The following ZNF737 variants were observed in gnomAD, a reference collection of about 807,000 sequenced individuals.
ZNF737 encodes zinc finger protein 737.
A neutral mutation model predicts 11.7 loss-of-function variants in ZNF737; 13 were observed. The ratio of observed to expected loss-of-function variants is 1.11; its 90% CI spans 0.73 to 1.77. The LOEUF is 1.77. ZNF737 is among the 40% of genes most tolerant of loss of function. ZNF737 has a pLI of 0.00. For missense variants in ZNF737, 636 were observed against 638.0 expected, an observed-to-expected ratio of 1.00 and a Z score of 0.03; for synonymous variants, 217 against 216.2, an observed-to-expected ratio of 1.00 and a Z score of -0.03.
rs899508708 is a variant in ZNF737 at position 20,540,620 on chromosome 19, G to A, written c.*3972C>T. ...CTAAAAATACAAAAATTAGTCAGACGTGGTGGTGCATGCCTGTAATCCCAG... is the reference window on the plus strand; with the variant it reads ...CTAAAAATACAAAAATTAGTCAGACATGGTGGTGCATGCCTGTAATCCCAG... On this transcript the variant is annotated 3_prime_UTR_variant, in exon 4 of 4. Transcript: ENST00000427401. 8 of 175,590 alleles carry A rather than the reference G, an allele frequency of 4.6e-5. No homozygotes were observed. The highest frequency in any genetic ancestry group is 1.4e-4 in the African/African-American group (6 of 41,914). The allele number at this position is 175,590 out of a possible 1,614,324, so 10.9% of individuals were successfully genotyped here.
At chr19:20,563,514 G>A (rs7245470) in intron 1 of ZNF737, among the ~76,000 whole-genome samples, 112,251 of 146,876 alleles carry the variant, frequency 0.76, 42,975 homozygotes, top group East Asian at 0.82. Flanking sequence ...TTGAGACGGA[G>A]TCACCCTGTG....
chr19:20,531,902 C>T (rs17291514), downstream of ZNF737, among the ~76,000 whole-genome samples: 17,194 of 150,100 alleles, frequency 0.11, 1,924 homozygotes, highest in Non-Finnish European at 0.13. Context: ...GTATACAAAA[C>T]ATGTTCCCCA....
At position 20,538,380 on chromosome 19, in the gene ZNF737, T is replaced by C. The variant is rs569618310; in HGVS notation, c.*6212A>G. Among the ~76,000 whole-genome samples the C allele has an allele frequency of 1.3e-5, 2 of 152,340 alleles. No homozygotes were observed. The highest frequency in any genetic ancestry group is 2.9e-5 in the Non-Finnish European group (2 of 68,038). On this transcript the variant is annotated 3_prime_UTR_variant, in exon 4 of 4. Transcript: ENST00000427401. ...CACAAGTTACTTCCTCCTTCCTTTG[T>C]TCTCCTCTGCCTTTGTCTCTTTTAA...
chr19:20,537,291 A>T (rs1368556647), downstream of ZNF737, among the ~76,000 whole-genome samples: 8 of 148,036 alleles, frequency 5.4e-5, no homozygotes, highest in African/African-American at 2.0e-4. Flanking sequence ...GCCTCTGCCC[A>T]CAAGGTTCAC....
chr19:20,544,446 G>A lies in ZNF737; in HGVS notation c.*146C>T, dbSNP rs564905433. ...TATTTGTTGGGTTTCTTTCCCGCATGAATTATCTAATGTCTACTAAGGTTT... is the reference window on the plus strand; with the variant it reads ...TATTTGTTGGGTTTCTTTCCCGCATAAATTATCTAATGTCTACTAAGGTTT... On this transcript the variant is annotated 3_prime_UTR_variant, in exon 4 of 4. Transcript: ENST00000427401. The A allele has an allele frequency of 1.5e-5, 22 of 1,478,152 alleles. No individual in the cohort carries two copies. The allele number at this position is 1,478,152 out of a possible 1,614,324, so 91.6% of individuals were successfully genotyped here.
chr19:20,533,822 GC>G (rs1967887537), downstream of ZNF737, among the ~76,000 whole-genome samples: 1 of 150,050 alleles, frequency 6.7e-6, no homozygotes, highest in African/African-American at 2.5e-5. Context: ...CCTGGGCTGA[GC>G]TAATTGGCTA....
chr19:20,535,120 A>C (rs1246998996), downstream of ZNF737, among the ~76,000 whole-genome samples: 8 of 151,356 alleles, frequency 5.3e-5, no homozygotes, highest in Non-Finnish European at 1.2e-4. Context: ...TCTACTAAAA[A>C]TACAAAAATT....
Position 20,544,497 on chromosome 19 carries a change from A to C in ZNF737, c.*95T>G. ...GAGGATGAAATAAAGGCTTTGCCAC[A>C]TTTATCACACTTGTACAGTTTCCCT... On this transcript the variant is annotated 3_prime_UTR_variant, in exon 4 of 4. Transcript: ENST00000427401. 2.0e-6 allele frequency: 3 copies of C among 1,530,614 alleles called. No homozygotes were observed. Among genetic ancestry groups the C allele is most frequent in the Non-Finnish European group, 2.6e-6 (3 of 1,146,432 alleles). 94.8% of individuals were successfully genotyped at this position (1,530,614 alleles called of 1,614,324 possible). A position where few individuals can be genotyped will look rare whatever the true frequency, so the allele number is the denominator to read the frequency against.
At chr19:20,553,876 A>G in intron 1 of ZNF737, 41 bp from the exon 2 acceptor site, 1 of 1,594,098 alleles carries the variant, frequency 6.3e-7, no homozygotes, top group Non-Finnish European at 8.5e-7. Flanking sequence ...CAAGTAGCCA[A>G]GGGTGGAATT....
chr19:20,556,135 T>C (rs1317825408), intron 1 of ZNF737, among the ~76,000 whole-genome samples: 1 of 152,142 alleles, frequency 6.6e-6, no homozygotes, highest in Non-Finnish European at 1.5e-5. Context: ...AATGGAAATA[T>C]GTGCCACTGA....
chr19:20,550,569 A>G (rs2144647229), intron 3 of ZNF737, among the ~76,000 whole-genome samples: 1 of 152,304 alleles, frequency 6.6e-6, no homozygotes, highest in Non-Finnish European at 1.5e-5. Context: ...CTTACAGCAA[A>G]ACAAGTCAGC....
Position 20,542,942 on chromosome 19 carries a change from T to G in ZNF737, c.*1650A>C, listed in dbSNP as rs970724010. 2.0e-6 allele frequency: 2 copies of G among 985,018 alleles called. No homozygotes were observed. Among genetic ancestry groups the G allele is most frequent in the African/African-American group, 3.5e-5 (2 of 57,204 alleles). 61.0% of individuals were successfully genotyped at this position (985,018 alleles called of 1,614,324 possible). ...GAAACAAGTATACTTTCAACGTAAT[T>G]ACAATGCTTCCAAAAATCTACTCCT... is the stretch of plus-strand genomic sequence containing the variant. On this transcript the variant is annotated 3_prime_UTR_variant, in exon 4 of 4. Coordinates refer to ENST00000427401, the MANE Select transcript of ZNF737 (RefSeq NM_001159293.2).
rs1324283837 is a variant in ZNF737, at chr19:20,544,802, G to A, written c.1401C>T (p.His467=). The stretch of plus-strand genomic sequence containing the variant: ...TATGAATTCTCTTATGTGCAGTAAG[G>A]TGTGAGGACGAGTTGAAGGCTTTGC... ...ECGKAFNSSS[H]LTAHKRIHTG... is the part of the protein sequence containing the mutation. Residue 467 remains histidine, a synonymous_variant, in exon 4 of 4, where the codon CAC becomes CAT. Transcript: ENST00000427401. The A allele has an allele frequency of 6.2e-7, 1 of 1,610,128 alleles. No homozygotes were observed. The highest frequency in any genetic ancestry group is 1.7e-5 in the Admixed American group (1 of 59,360).
In ZNF737 at chr19:20,544,703, C is replaced by G; in HGVS notation, c.1500G>C (p.Lys500Asn). The G allele has an allele frequency of 6.2e-7, 1 of 1,607,026 alleles. No individual in the cohort carries two copies. Among genetic ancestry groups the G allele is most frequent in the Non-Finnish European group, 8.5e-7 (1 of 1,177,578 alleles). ...AGGGTTTCTCTCCAGTATGAATTCTCTTATGTCTAGTAAGGATAAAGGAGC... is the reference window on the plus strand; with the variant it reads ...AGGGTTTCTCTCCAGTATGAATTCTGTTATGTCTAGTAAGGATAAAGGAGC... The part of the protein sequence containing the change: ...FKRSFILTRH[K>N]RIHTGEKPYK... The change falls in exon 4 of 4, where the codon AAG (lysine) becomes AAC (asparagine). Residue 500 changes from lysine (K) to asparagine (N), a missense_variant. Physicochemically the swap from Lys to Asn is moderately conservative, Grantham distance 94. Transcript: ENST00000427401.
intron 3 of ZNF737, among the ~76,000 whole-genome samples, chr19:20,548,506 T>G (rs1599414270): frequency 6.6e-6 from 1 of 152,166 alleles, no homozygotes; most frequent in East Asian, 1.9e-4. Flanking sequence ...GGAGAGAGGG[T>G]AAAATGAGCA....
At position 20,540,159 on chromosome 19, in the gene ZNF737, C is replaced by T; in HGVS notation, c.*4433G>A. ...TACAAACATTTTTCCCGCCATGTGG[C>T]CACCATAAGCAGCTTACAACATGTT... is the stretch of plus-strand genomic sequence containing the variant. On this transcript the variant is annotated 3_prime_UTR_variant, in exon 4 of 4. Coordinates refer to ENST00000427401, the MANE Select transcript of ZNF737 (RefSeq NM_001159293.2). 1 of 985,358 alleles carries T rather than the reference C, an allele frequency of 1.0e-6. No homozygotes were observed. Among genetic ancestry groups the T allele is most frequent in the East Asian group, 1.1e-4 (1 of 8,808 alleles). 61.0% of individuals were successfully genotyped at this position (985,358 alleles called of 1,614,324 possible). A position where few individuals can be genotyped will look rare whatever the true frequency, so the allele number is the denominator to read the frequency against.
downstream of ZNF737, among the ~76,000 whole-genome samples, chr19:20,536,833 C>T (rs905485850): frequency 2.0e-5 from 3 of 152,248 alleles, no homozygotes; most frequent in South Asian, 2.1e-4. Context: ...ATCCCAGCTA[C>T]GCAGGAGGTT....
intron 1 of ZNF737, 28 bp from the exon 2 acceptor site, chr19:20,553,863 T>TA: frequency 6.2e-7 from 1 of 1,601,578 alleles, no homozygotes; most frequent in Non-Finnish European, 8.5e-7. Flanking sequence ...CATACGTTTT[T>TA]ACCAAGTAGC....
chr19:20,550,191 C>T (rs1968613892), intron 3 of ZNF737, among the ~76,000 whole-genome samples: 1 of 152,038 alleles, frequency 6.6e-6, no homozygotes, highest in Non-Finnish European at 1.5e-5. Context: ...GCAAAGAGTA[C>T]CCTTACATTG....
Sources: allele counts gnomAD v4.1 joint callset (sites outside exome capture counted in the v4.1 genomes callset), GRCh38; gene constraint gnomAD v4.1.1; transcripts MANE v1.5; gene names NCBI Gene and HGNC (gene_info 2026-07-23, HGNC 2026-07-21).